The following OPCML variants were observed in gnomAD, a reference collection of about 807,000 sequenced individuals.
OPCML encodes the protein opioid binding protein/cell adhesion molecule like, also known as opioid-binding protein/cell adhesion molecule.
OPCML carries 13 observed loss-of-function variants against 37.8 expected under a neutral mutation model. The ratio of observed to expected loss-of-function variants is 0.34; its 90% CI spans 0.22 to 0.55. The LOEUF (loss-of-function observed/expected upper bound fraction) is 0.55. Among genes scored for constraint, OPCML ranks in the 20% least tolerant of loss-of-function variants. The pLI is 0.91. For missense variants in OPCML, 341 were observed against 435.6 expected, an observed-to-expected ratio of 0.78 and a Z score of 1.93; for synonymous variants, 176 against 168.8, an observed-to-expected ratio of 1.04 and a Z score of -0.33.
intron 1 of OPCML, among the ~76,000 whole-genome samples, chr11:133,141,084 A>C (rs1399778013): frequency 1.5e-5 from 2 of 133,618 alleles, no homozygotes; most frequent in Non-Finnish European, 3.3e-5. Context: ...AAGAAGAAGA[A>C]GAAGAAGAAG....
chr11:133,191,878 T>C (rs1399507574), intron 1 of OPCML, among the ~76,000 whole-genome samples: 1 of 152,166 alleles, frequency 6.6e-6, no homozygotes, highest in African/African-American at 2.4e-5. Context: ...CCATGTACAG[T>C]CATTGGTCAT....
intron 2 of OPCML, among the ~76,000 whole-genome samples, chr11:132,821,692 C>G (rs915111422): frequency 6.6e-6 from 1 of 152,182 alleles, no homozygotes; most frequent in Non-Finnish European, 1.5e-5. Context: ...GTGCTGACTT[C>G]GACACTTTCT....
intron 7 of OPCML, among the ~76,000 whole-genome samples, chr11:132,421,477 C>T (rs1184859116): frequency 6.6e-6 from 1 of 152,110 alleles, no homozygotes; most frequent in Non-Finnish European, 1.5e-5. Flanking sequence ...GCCTGTCAAC[C>T]TTATGGTGAG....
At chr11:133,419,334 T>G (rs915389678) in intron 1 of OPCML, 7 of 985,308 alleles carry the variant, frequency 7.1e-6, no homozygotes, top group African/African-American at 1.7e-5. Context: ...GAATCTCAGG[T>G]TAAGTCACTG....
chr11:133,161,400 A>G (rs1046807101), intron 1 of OPCML, among the ~76,000 whole-genome samples: 3 of 152,198 alleles, frequency 2.0e-5, no homozygotes, highest in African/African-American at 7.2e-5. Context: ...AGAAGATAAG[A>G]TTCCTGGTAG....
In OPCML at chr11:132,943,129, GCA is replaced by G; in HGVS notation, c.62-121_62-120del. ...ACAACTTCCCAGGACTCCGGCAGCC[GCA>G]CAGTCCTGGTCCCCCGCCCCGCGCA... is the stretch of plus-strand genomic sequence containing the variant. On this transcript the variant is annotated intron_variant, in intron 1 of 7. Coordinates refer to ENST00000524381, the MANE Select transcript of OPCML (RefSeq NM_001012393.5). This position sits in a 1 kb window ranked among gnomAD's most constrained non-coding sequence, Gnocchi z 4.3. The G allele has an allele frequency of 6.2e-7, 1 of 1,613,346 alleles. No homozygotes were observed. Among genetic ancestry groups the G allele is most frequent in the Non-Finnish European group, 8.5e-7 (1 of 1,179,566 alleles).
chr11:133,518,329 G>A (rs1211646127), intron 1 of OPCML, among the ~76,000 whole-genome samples: 3 of 151,226 alleles, frequency 2.0e-5, no homozygotes, highest in South Asian at 4.2e-4. Flanking sequence ...ATAAGTGTGT[G>A]TGTGTGGGTG....
chr11:132,704,445 A>G (rs1291023115), intron 2 of OPCML, among the ~76,000 whole-genome samples: 2 of 152,232 alleles, frequency 1.3e-5, no homozygotes, highest in African/African-American at 4.8e-5. Context: ...AGGCAGGTCT[A>G]GAAAGCAAGT....
At chr11:132,617,279 A>T (rs1356585390) in intron 3 of OPCML, among the ~76,000 whole-genome samples, 2 of 152,194 alleles carry the variant, frequency 1.3e-5, no homozygotes, top group African/African-American at 4.8e-5. Flanking sequence ...TGGAGGAGAG[A>T]CAGAACATAT....
intron 1 of OPCML, among the ~76,000 whole-genome samples, chr11:132,984,114 G>A (rs10444347): frequency 0.15 from 22,895 of 152,088 alleles, 1,992 homozygotes; most frequent in Non-Finnish European, 0.19. Flanking sequence ...GACCCTGCAG[G>A]TGATCTTTCC....
chr11:133,388,956 C>A (rs1186922430), intron 1 of OPCML, among the ~76,000 whole-genome samples: 1 of 152,170 alleles, frequency 6.6e-6, no homozygotes, highest in Admixed American at 6.5e-5. Flanking sequence ...GGTTCTTTCC[C>A]ATCCCCATGT....
intron 1 of OPCML, among the ~76,000 whole-genome samples, chr11:133,488,363 C>T (rs778508078): frequency 6.6e-6 from 1 of 152,026 alleles, no homozygotes; most frequent in Non-Finnish European, 1.5e-5. Context: ...ATCTAGAAAA[C>T]TCTAGATACC....
chr11:133,282,338 G>T (rs926819394), intron 1 of OPCML, among the ~76,000 whole-genome samples: 1 of 152,192 alleles, frequency 6.6e-6, no homozygotes, highest in Non-Finnish European at 1.5e-5. Context: ...GGCTCTAAGG[G>T]CCCTAGGTAC....
chr11:132,858,572 A>G (rs1402939221), intron 2 of OPCML, among the ~76,000 whole-genome samples: 1 of 152,126 alleles, frequency 6.6e-6, no homozygotes, highest in Non-Finnish European at 1.5e-5. Context: ...GGGATTTCCC[A>G]GAGGCCCCTT....
At chr11:132,877,608 G>T (rs923940670) in intron 2 of OPCML, among the ~76,000 whole-genome samples, 1 of 152,206 alleles carries the variant, frequency 6.6e-6, no homozygotes, top group African/African-American at 2.4e-5. Flanking sequence ...TCCCTCTGGA[G>T]CATCTCCTAG....
At chr11:133,144,298 C>T (rs751356750) in intron 1 of OPCML, among the ~76,000 whole-genome samples, 2 of 152,222 alleles carry the variant, frequency 1.3e-5, no homozygotes, top group African/African-American at 2.4e-5. Flanking sequence ...CTGCACAGGC[C>T]CTGAGCAGAG....
At chr11:132,532,598 C>T (rs545024155) in intron 3 of OPCML, among the ~76,000 whole-genome samples, 29 of 152,224 alleles carry the variant, frequency 1.9e-4, no homozygotes, top group African/African-American at 6.5e-4. Flanking sequence ...CATTATGATT[C>T]CTCTTTGTTT....
chr11:133,441,999 A>C (rs1485787202), intron 1 of OPCML, among the ~76,000 whole-genome samples: 1 of 152,180 alleles, frequency 6.6e-6, no homozygotes, highest in African/African-American at 2.4e-5. Context: ...ATAATACCTA[A>C]TGTTTATTGA....
At chr11:133,195,853 A>G (rs1290207500) in intron 1 of OPCML, among the ~76,000 whole-genome samples, 1 of 152,220 alleles carries the variant, frequency 6.6e-6, no homozygotes, top group African/African-American at 2.4e-5. Context: ...TATCTGTCAC[A>G]TGAATGATAT....
Sources: gnomAD v4.1 joint callset for allele counts (sites outside exome capture counted in the v4.1 genomes callset) on GRCh38, gnomAD v4.1.1 for gene constraint, Gnocchi (gnomAD v3.1) non-coding constraint, MANE v1.5 for transcripts, NCBI Gene and HGNC (gene_info 2026-07-23, HGNC 2026-07-21) for gene names.